Variants in SLC30A8 observed in about 807,000 individuals in gnomAD.
The protein encoded by SLC30A8 is solute carrier family 30 member 8.
SLC30A8 carries 27 observed loss-of-function variants against 36.9 expected under a neutral mutation model. The observed-to-expected ratio is 0.73, with a 90% confidence interval of 0.54 to 1.01. The LOEUF (loss-of-function observed/expected upper bound fraction) is 1.01. Ranked by LOEUF, SLC30A8 falls within the 50% of genes least tolerant of loss-of-function variation. The probability of loss-of-function intolerance (pLI) is 0.00; values close to 1 mark genes in which losing one functional copy is unlikely to be tolerated. For synonymous variants in SLC30A8, 164 were observed against 172.4 expected (o/e 0.95, Z 0.38); for missense variants, 439 against 452.0 (o/e 0.97, Z 0.26).
intron 2 of SLC30A8, chr8:117,128,607 A>G (rs1821008617): frequency 6.6e-6 from 1 of 152,112 alleles, no homozygotes; most frequent in African/African-American, 2.4e-5. Flanking sequence ...CTTGAAATTT[A>G]AAACACCTTG....
chr8:117,033,204 T>C (rs988475721), intron 1 of SLC30A8, among the ~76,000 whole-genome samples: 2 of 152,228 alleles, frequency 1.3e-5, no homozygotes, highest in Non-Finnish European at 2.9e-5. Context: ...AGCATGTTCA[T>C]AACAGCACTA....
intron 2 of SLC30A8, among the ~76,000 whole-genome samples, chr8:117,054,575 G>T (rs1410435120): frequency 2.6e-5 from 4 of 152,138 alleles, no homozygotes; most frequent in Non-Finnish European, 5.9e-5. Context: ...GCACTAATTA[G>T]CACTGAACAA....
intron 3 of SLC30A8, among the ~76,000 whole-genome samples, chr8:117,154,483 A>G (rs1262682530): frequency 1.3e-5 from 2 of 152,238 alleles, no homozygotes; most frequent in South Asian, 2.1e-4. Context: ...TTATAGACTG[A>G]TAACTGTGGA....
intron 1 of SLC30A8, among the ~76,000 whole-genome samples, chr8:117,027,299 A>G (rs1483694694): frequency 6.6e-6 from 1 of 152,104 alleles, no homozygotes; most frequent in African/African-American, 2.4e-5. Flanking sequence ...ATGAGGCTAC[A>G]TTAGCCTGTT....
chr8:117,036,638 C>T (rs987547591), intron 1 of SLC30A8, among the ~76,000 whole-genome samples: 4 of 152,094 alleles, frequency 2.6e-5, no homozygotes, highest in African/African-American at 9.7e-5. Context: ...GGAGGAGGAA[C>T]TGTCAAACAC....
chr8:117,126,761 T>G (rs1240173223), intron 2 of SLC30A8, among the ~76,000 whole-genome samples: 1 of 151,962 alleles, frequency 6.6e-6, no homozygotes, highest in African/African-American at 2.4e-5. Flanking sequence ...GGAAGAGAGA[T>G]AACAATAAGG....
intron 2 of SLC30A8, among the ~76,000 whole-genome samples, chr8:117,041,951 C>G (rs1317342343): frequency 6.6e-6 from 1 of 152,162 alleles, no homozygotes; most frequent in Non-Finnish European, 1.5e-5. Flanking sequence ...ATGAATAGTT[C>G]TACGCCATGA....
At chr8:117,137,844 T>C (rs900416498) in intron 1 of SLC30A8, among the ~76,000 whole-genome samples, 5 of 151,870 alleles carry the variant, frequency 3.3e-5, no homozygotes, top group African/African-American at 1.2e-4. Context: ...AAGTCCCAAG[T>C]CTCAGATTCC....
intron 1 of SLC30A8, among the ~76,000 whole-genome samples, chr8:117,027,499 A>G (rs926575186): frequency 6.6e-6 from 1 of 152,030 alleles, no homozygotes; most frequent in Non-Finnish European, 1.5e-5. Context: ...TTACTTGTTA[A>G]TTGTTTGGCT....
intron 2 of SLC30A8, among the ~76,000 whole-genome samples, chr8:117,064,389 G>T (rs1818107840): frequency 6.6e-6 from 1 of 152,234 alleles, no homozygotes; most frequent in Non-Finnish European, 1.5e-5. Context: ...TCAGGGACAT[G>T]TGGGAAGTAG....
At chr8:116,959,832 C>A (rs920854671) in intron 1 of SLC30A8, among the ~76,000 whole-genome samples, 1 of 152,202 alleles carries the variant, frequency 6.6e-6, no homozygotes, top group Non-Finnish European at 1.5e-5. Flanking sequence ...ATCGTTCTTT[C>A]TGTGCACATG....
chr8:116,962,815 G>A (rs756639844), intron 1 of SLC30A8, among the ~76,000 whole-genome samples: 1 of 151,924 alleles, frequency 6.6e-6, no homozygotes, highest in Admixed American at 6.6e-5. Flanking sequence ...GGATTACTTC[G>A]TGAATTAACA....
intron 1 of SLC30A8, among the ~76,000 whole-genome samples, chr8:117,005,538 T>C (rs571106010): frequency 4.6e-5 from 7 of 152,370 alleles, no homozygotes; most frequent in Non-Finnish European, 8.8e-5. Flanking sequence ...TTAATATGCA[T>C]GTACAAGTAC....
intron 1 of SLC30A8, among the ~76,000 whole-genome samples, chr8:117,146,230 C>T (rs187628938): frequency 3.8e-4 from 58 of 151,690 alleles, no homozygotes; most frequent in Non-Finnish European, 6.6e-4. Flanking sequence ...TCACATGTAC[C>T]CTAAATTAGT....
chr8:117,111,628 T>C (rs149994874), intron 2 of SLC30A8, among the ~76,000 whole-genome samples: 210 of 152,240 alleles, frequency 1.4e-3, no homozygotes, highest in Middle Eastern at 0.01. Context: ...ACTTTTTTTT[T>C]CTTTCAAACT....
intron 2 of SLC30A8, among the ~76,000 whole-genome samples, chr8:117,055,442 T>A (rs1448165243): frequency 6.6e-6 from 1 of 152,220 alleles, no homozygotes; most frequent in African/African-American, 2.4e-5. Context: ...GTTGCTGGGC[T>A]GCATAGCATG....
chr8:117,090,581 T>G (rs1272251540), intron 2 of SLC30A8, among the ~76,000 whole-genome samples: 2 of 152,198 alleles, frequency 1.3e-5, no homozygotes, highest in African/African-American at 4.8e-5. Flanking sequence ...AGAGAGCTAC[T>G]TAGGGTTTCT....
At chr8:117,113,877 G>A (rs1820334463) in intron 2 of SLC30A8, among the ~76,000 whole-genome samples, 1 of 152,116 alleles carries the variant, frequency 6.6e-6, no homozygotes, top group Non-Finnish European at 1.5e-5. Context: ...TAATGTAGAT[G>A]CACTGAGTGT....
chr8:117,010,379 A>G (rs1816306667), intron 1 of SLC30A8, among the ~76,000 whole-genome samples: 1 of 152,208 alleles, frequency 6.6e-6, no homozygotes, highest in Non-Finnish European at 1.5e-5. Context: ...CCCTCGGGTT[A>G]GAATCTGGCA....
Sources: allele counts gnomAD v4.1 joint callset (sites outside exome capture counted in the v4.1 genomes callset), GRCh38; gene constraint gnomAD v4.1.1; transcripts MANE v1.5; gene names NCBI Gene and HGNC (gene_info 2026-07-23, HGNC 2026-07-21).